ZNF536: variants seen among roughly 807,000 people sequenced by gnomAD.
ZNF536 encodes the protein zinc finger protein 536.
ZNF536 carries 13 observed loss-of-function variants against 84.5 expected under a neutral mutation model. The ratio of observed to expected loss-of-function variants is 0.15; its 90% CI spans 0.10 to 0.24. ZNF536 has a LOEUF of 0.24. Ranked by LOEUF, ZNF536 falls within the 10% of genes least tolerant of loss-of-function variation. The pLI, the probability that ZNF536 is intolerant of heterozygous loss-of-function variation, is 1.00. For missense variants in ZNF536, 1,536 were observed against 1,747.5 expected, an observed-to-expected ratio of 0.88 and a Z score of 2.16; for synonymous variants, 811 against 742.5, an observed-to-expected ratio of 1.09 and a Z score of -1.50.
intron 2 of ZNF536, among the ~76,000 whole-genome samples, chr19:30,339,791 C>T (rs1335601597): frequency 6.6e-6 from 1 of 152,188 alleles, no homozygotes; most frequent in African/African-American, 2.4e-5. Flanking sequence ...ACGTTCTGAG[C>T]AGGCAGGTGC....
chr19:30,692,206 C>T (rs576363376), intron 1 of ZNF536, among the ~76,000 whole-genome samples: 2 of 152,290 alleles, frequency 1.3e-5, no homozygotes, highest in Admixed American at 1.3e-4. Flanking sequence ...TGTCAGGTGC[C>T]GACGCAAGAA....
chr19:30,248,669 G>A (rs2024433941), intron 1 of ZNF536, among the ~76,000 whole-genome samples: 1 of 152,116 alleles, frequency 6.6e-6, no homozygotes, highest in Non-Finnish European at 1.5e-5. Flanking sequence ...TCCCATATGA[G>A]TTAGAAATTC....
chr19:30,331,292 TA>T (rs11324495), intron 2 of ZNF536, among the ~76,000 whole-genome samples: 9,084 of 41,068 alleles, frequency 0.22, 466 homozygotes, highest in East Asian at 0.33. Context: ...CCCTGTATCT[TA>T]AAAAAAAAAA....
At chr19:30,550,870 A>G (rs928246166) in intron 4 of ZNF536, among the ~76,000 whole-genome samples, 3 of 152,224 alleles carry the variant, frequency 2.0e-5, no homozygotes, top group Non-Finnish European at 4.4e-5. Context: ...AAAAATATTG[A>G]CAGTTCCTTA....
upstream of ZNF536, among the ~76,000 whole-genome samples, chr19:30,369,210 T>C (rs1235417222): frequency 6.6e-6 from 1 of 152,216 alleles, no homozygotes; most frequent in Non-Finnish European, 1.5e-5. Context: ...TTAAGTTTTA[T>C]CAGTTTCAGC....
intron 3 of ZNF536, among the ~76,000 whole-genome samples, chr19:30,537,317 G>GTCT (rs2045126350): frequency 6.6e-6 from 1 of 152,214 alleles, no homozygotes; most frequent in African/African-American, 2.4e-5. Flanking sequence ...TGGTTGGGCA[G>GTCT]GGTGGGGACC....
chr19:30,260,662 G>T (rs1404835810), intron 1 of ZNF536, among the ~76,000 whole-genome samples: 3 of 152,208 alleles, frequency 2.0e-5, no homozygotes, highest in African/African-American at 7.2e-5. Flanking sequence ...TCTCTAGGTT[G>T]GGAAGTGACA....
chr19:30,660,147 G>A (rs1383322103), intron 1 of ZNF536, among the ~76,000 whole-genome samples: 1 of 152,170 alleles, frequency 6.6e-6, no homozygotes, highest in Non-Finnish European at 1.5e-5. Flanking sequence ...TTGTTTTCTT[G>A]TCTCTGGAGA....
chr19:30,259,759 C>CTT (rs202196249), intron 1 of ZNF536, among the ~76,000 whole-genome samples: 2 of 151,060 alleles, frequency 1.3e-5, no homozygotes, highest in African/African-American at 4.9e-5. Context: ...TCGGGTGCTT[C>CTT]TTTTTTTTTC....
At chr19:30,378,091 C>A (rs901227646) in intron 1 of ZNF536, among the ~76,000 whole-genome samples, 1 of 152,158 alleles carries the variant, frequency 6.6e-6, no homozygotes, top group African/African-American at 2.4e-5. Context: ...TCCCTAATGC[C>A]AAAATGGACT....
At chr19:30,533,740 G>A (rs1009759992) in intron 2 of ZNF536, among the ~76,000 whole-genome samples, 3 of 152,184 alleles carry the variant, frequency 2.0e-5, no homozygotes, top group African/African-American at 7.2e-5. Context: ...CTCCTAGTGG[G>A]ATTTACCATG....
At chr19:30,575,607 C>T (rs1470567123) in intron 1 of ZNF536, among the ~76,000 whole-genome samples, 1 of 152,222 alleles carries the variant, frequency 6.6e-6, no homozygotes, top group Non-Finnish European at 1.5e-5. Flanking sequence ...AAACTCCTCC[C>T]TGCCTTCAGG....
chr19:30,229,225 C>T (rs1377509520), intron 1 of ZNF536, among the ~76,000 whole-genome samples: 4 of 152,084 alleles, frequency 2.6e-5, no homozygotes, highest in African/African-American at 9.7e-5. Flanking sequence ...CCCCTTCCCC[C>T]AGCATCATTT....
intron 1 of ZNF536, among the ~76,000 whole-genome samples, chr19:30,630,357 C>G (rs969475520): frequency 3.9e-5 from 6 of 152,100 alleles, no homozygotes; most frequent in Non-Finnish European, 5.9e-5. Context: ...CAGGATACAT[C>G]AGTAAATAAA....
intron 2 of ZNF536, among the ~76,000 whole-genome samples, chr19:30,466,560 T>TAGAA (rs753514602): frequency 2.1e-3 from 249 of 116,688 alleles, no homozygotes; most frequent in African/African-American, 6.4e-3. Flanking sequence ...GAAACCCTGT[T>TAGAA]AGAAAGAAAG....
intron 2 of ZNF536, among the ~76,000 whole-genome samples, chr19:30,328,809 G>A (rs1343701003): frequency 6.6e-6 from 1 of 152,192 alleles, no homozygotes; most frequent in Admixed American, 6.5e-5. Context: ...CCAGGGGCTT[G>A]GTGTACTTGG....
chr19:30,693,633 TTA>T (rs1009286060), intron 1 of ZNF536, among the ~76,000 whole-genome samples: 3 of 152,252 alleles, frequency 2.0e-5, no homozygotes, highest in African/African-American at 7.2e-5. Context: ...TTTTATTTAT[TTA>T]TGTCTGCCAC....
intron 2 of ZNF536, among the ~76,000 whole-genome samples, chr19:30,326,832 G>A (rs986368267): frequency 1.4e-4 from 6 of 43,976 alleles, no homozygotes; most frequent in African/African-American, 4.2e-4. Context: ...TTCTAGTTGG[G>A]CGCAGTAGCC....
At chr19:30,621,762 C>T (rs1484326117) in intron 1 of ZNF536, among the ~76,000 whole-genome samples, 1 of 152,260 alleles carries the variant, frequency 6.6e-6, no homozygotes, top group Non-Finnish European at 1.5e-5. Context: ...AGCATCAGGA[C>T]ATAGCCCACT....
Sources: gnomAD v4.1 joint callset for allele counts (sites outside exome capture counted in the v4.1 genomes callset) on GRCh38, gnomAD v4.1.1 for gene constraint, MANE v1.5 for transcripts, NCBI Gene and HGNC (gene_info 2026-07-23, HGNC 2026-07-21) for gene names.